The following CHRM3 variants were observed in gnomAD, a reference collection of about 807,000 sequenced individuals.
CHRM3 encodes the protein muscarinic acetylcholine receptor M3.
A neutral mutation model predicts 41.8 loss-of-function variants in CHRM3; 11 were observed. The ratio of observed to expected loss-of-function variants is 0.26; its 90% CI spans 0.17 to 0.44. The LOEUF (loss-of-function observed/expected upper bound fraction) is 0.44, where lower values mean the gene tolerates loss of function less well. Among genes scored for constraint, CHRM3 ranks in the 20% least tolerant of loss-of-function variants. The probability of loss-of-function intolerance (pLI) is 1.00; values close to 1 mark genes in which losing one functional copy is unlikely to be tolerated. For missense variants in CHRM3, 571 were observed against 745.4 expected, an observed-to-expected ratio of 0.77 and a Z score of 2.72; for synonymous variants, 297 against 301.4, an observed-to-expected ratio of 0.99 and a Z score of 0.15.
chr1:239,694,933 C>G (rs1038931059), intron 5 of CHRM3, among the ~76,000 whole-genome samples: 3 of 151,176 alleles, frequency 2.0e-5, no homozygotes, highest in African/African-American at 7.3e-5. Flanking sequence ...GGTGTCTATG[C>G]TGCAGACCAA....
intron 1 of CHRM3, among the ~76,000 whole-genome samples, chr1:239,396,037 A>G (rs1046188376): frequency 6.6e-6 from 1 of 152,162 alleles, no homozygotes; most frequent in African/African-American, 2.4e-5. Flanking sequence ...AGGTATCCTC[A>G]TCCTCTGCCA....
At chr1:239,759,670 T>TA (rs1247440637) in intron 5 of CHRM3, among the ~76,000 whole-genome samples, 2 of 152,138 alleles carry the variant, frequency 1.3e-5, no homozygotes, top group African/African-American at 2.4e-5. Context: ...ATTTTGAAAT[T>TA]AAAAAACAGA....
intron 5 of CHRM3, among the ~76,000 whole-genome samples, chr1:239,778,692 G>A (rs1269203243): frequency 1.3e-5 from 2 of 152,130 alleles, no homozygotes; most frequent in East Asian, 1.9e-4. Context: ...CCGTTGGTTC[G>A]CATAGTGTTT....
rs936209967 is a variant in CHRM3, at chr1:239,492,745, C to T, written c.-484C>T. 6.6e-6 allele frequency: 1 copy of T among 152,258 alleles called. No individual in the cohort carries two copies. The highest frequency in any genetic ancestry group is 2.4e-5 in the African/African-American group (1 of 41,460). The allele number at this position is 152,258 out of a possible 1,614,324, so 9.4% of individuals were successfully genotyped here. ...TTGCTGCTTTGGGCCAGGATCTGAACTTAGGTGTAAACCATTGCCCTGGCA... is the reference window on the plus strand; with the variant it reads ...TTGCTGCTTTGGGCCAGGATCTGAATTTAGGTGTAAACCATTGCCCTGGCA... On this transcript the variant is annotated 5_prime_UTR_variant, in exon 2 of 7. Coordinates refer to ENST00000676153, the MANE Select transcript of CHRM3 (RefSeq NM_001375978.1).
At chr1:239,507,599 A>G (rs1011479374) in intron 2 of CHRM3, among the ~76,000 whole-genome samples, 5 of 152,252 alleles carry the variant, frequency 3.3e-5, no homozygotes, top group African/African-American at 4.8e-5. Flanking sequence ...AGTGAAGATG[A>G]TGAAAACATA....
At chr1:239,673,148 C>T (rs183480714) in intron 4 of CHRM3, among the ~76,000 whole-genome samples, 2 of 152,102 alleles carry the variant, frequency 1.3e-5, no homozygotes, top group East Asian at 1.9e-4. Flanking sequence ...GGGCCATGGC[C>T]TGATGCCTTC....
chr1:239,903,411 G>A (rs1450953152), intron 6 of CHRM3, among the ~76,000 whole-genome samples: 2 of 152,324 alleles, frequency 1.3e-5, no homozygotes, highest in African/African-American at 2.4e-5. Flanking sequence ...ACCTGGGGGT[G>A]AGTTTATGAA....
intron 2 of CHRM3, among the ~76,000 whole-genome samples, chr1:239,497,808 C>A (rs1667980240): frequency 1.3e-5 from 2 of 152,134 alleles, no homozygotes; most frequent in Admixed American, 1.3e-4. Context: ...ACAGTACAGG[C>A]AGCAACAAAT....
At position 239,413,057 on chromosome 1, in the gene CHRM3, A is replaced by C. The variant is rs149367306; in HGVS notation, c.-521+25830A>C. Among the ~76,000 whole-genome samples the C allele has an allele frequency of 6.3e-3, 950 of 150,446 alleles. 12 individuals are homozygous for C. The highest frequency in any genetic ancestry group is 0.022 in the African/African-American group (896 of 40,808). ...CCCGTCACTCCATTCCAGCCTGGTG[A>C]CAGAGCGAGACTCCATGTCAAAAAA... On this transcript the variant is annotated intron_variant, in intron 1 of 6. Transcript: ENST00000676153.
chr1:239,646,769 C>T (rs1357719136), intron 4 of CHRM3, among the ~76,000 whole-genome samples: 1 of 152,030 alleles, frequency 6.6e-6, no homozygotes, highest in Non-Finnish European at 1.5e-5. Flanking sequence ...CTTTGTATAA[C>T]TTAAGGAACT....
intron 4 of CHRM3, among the ~76,000 whole-genome samples, chr1:239,659,672 A>T (rs745759517): frequency 1.3e-5 from 2 of 152,224 alleles, no homozygotes; most frequent in Non-Finnish European, 2.9e-5. Flanking sequence ...AATGGACAAT[A>T]AACATTCCCC....
chr1:239,530,402 C>T (rs1186179014), intron 2 of CHRM3, among the ~76,000 whole-genome samples: 1 of 152,084 alleles, frequency 6.6e-6, no homozygotes, highest in African/African-American at 2.4e-5. Flanking sequence ...ATTTAAAAGA[C>T]AAGCTGCTCC....
chr1:239,557,969 G>C (rs1660522021), intron 3 of CHRM3, among the ~76,000 whole-genome samples: 1 of 152,102 alleles, frequency 6.6e-6, no homozygotes, highest in African/African-American at 2.4e-5. Context: ...CTTTATAATA[G>C]AATGATTTAT....
intron 5 of CHRM3, among the ~76,000 whole-genome samples, chr1:239,697,084 A>G (rs1409503628): frequency 6.6e-6 from 1 of 152,178 alleles, no homozygotes; most frequent in Non-Finnish European, 1.5e-5. Flanking sequence ...TTTCTTGTAA[A>G]CATGAAGTAA....
intron 4 of CHRM3, among the ~76,000 whole-genome samples, chr1:239,660,389 C>T (rs1321029591): frequency 1.3e-5 from 2 of 152,170 alleles, no homozygotes; most frequent in Non-Finnish European, 2.9e-5. Flanking sequence ...TTACAACTTT[C>T]TTCTTCCCTA....
intron 5 of CHRM3, among the ~76,000 whole-genome samples, chr1:239,683,727 T>G (rs529518488): frequency 1.3e-5 from 2 of 152,344 alleles, no homozygotes; most frequent in East Asian, 3.9e-4. Flanking sequence ...GAATAGCTTC[T>G]GAAGTCATCC....
chr1:239,762,126 T>C (rs488058), intron 5 of CHRM3, among the ~76,000 whole-genome samples: 1 of 151,834 alleles, frequency 6.6e-6, no homozygotes, highest in Non-Finnish European at 1.5e-5. Flanking sequence ...GTTGAGGCAA[T>C]AGGGTAAATC....
chr1:239,556,316 C>A (rs371358802), intron 3 of CHRM3, among the ~76,000 whole-genome samples: 1 of 152,048 alleles, frequency 6.6e-6, no homozygotes, highest in Admixed American at 6.6e-5. Flanking sequence ...TCATTCCTGA[C>A]AATTTATGTC....
chr1:239,897,149 G>A (rs749710814), intron 6 of CHRM3, among the ~76,000 whole-genome samples: 4 of 152,328 alleles, frequency 2.6e-5, no homozygotes, highest in South Asian at 4.1e-4. Flanking sequence ...GTTGTTAGGC[G>A]TTTAATGCGC....
Sources: allele counts gnomAD v4.1 joint callset (sites outside exome capture counted in the v4.1 genomes callset), GRCh38; gene constraint gnomAD v4.1.1; transcripts MANE v1.5; gene names NCBI Gene and HGNC (gene_info 2026-07-23, HGNC 2026-07-21).